The following EIF2B5 variants were observed in gnomAD, a reference collection of about 807,000 sequenced individuals.
EIF2B5 encodes the protein eukaryotic translation initiation factor 2B subunit epsilon, also known as translation initiation factor eIF2B subunit epsilon.
Under a neutral mutation model 87.3 loss-of-function variants are expected in EIF2B5, and 38 were observed. The ratio of observed to expected loss-of-function variants is 0.44; its 90% CI spans 0.34 to 0.57. The LOEUF (loss-of-function observed/expected upper bound fraction) is 0.57, where lower values mean the gene tolerates loss of function less well. Ranked by LOEUF, EIF2B5 falls within the 20% of genes least tolerant of loss-of-function variation. The probability of loss-of-function intolerance (pLI) is 0.02; values close to 1 mark genes in which losing one functional copy is unlikely to be tolerated. For synonymous variants in EIF2B5, 313 were observed against 339.6 expected (o/e 0.92, Z 0.86); for missense variants, 784 against 909.5 (o/e 0.86, Z 1.78).
At position 184,144,656 on chromosome 3, in the gene EIF2B5, C is replaced by G; in HGVS notation, c.2055C>G (p.Phe685Leu). Residue 685 changes from phenylalanine to leucine, a missense_variant, in exon 15 of 16, where the codon TTC becomes TTG. Coordinates refer to ENST00000648915, the MANE Select transcript of EIF2B5 (RefSeq NM_003907.3). ...ILAEETILSW[F>L]SQRDTTDKGQ... The stretch of plus-strand genomic sequence containing the variant: ...CTGAGGAAACAATTCTGAGCTGGTT[C>G]AGCCAAAGAGATACAACTGACAAGG... The G allele has an allele frequency of 6.2e-7, 1 of 1,614,112 alleles. No homozygotes were observed. The highest frequency in any genetic ancestry group is 8.5e-7 in the Non-Finnish European group (1 of 1,180,018).
chr3:184,144,807 G>C (rs909280819), intron 15 of EIF2B5, 77 bp from the exon 16 acceptor site: 1 of 1,586,826 alleles, frequency 6.3e-7, no homozygotes, highest in African/African-American at 1.3e-5. Flanking sequence ...CTGGTTGTTA[G>C]AGCTGTTTAT....
At position 184,142,118 on chromosome 3, in the gene EIF2B5, C is replaced by G. The variant is rs921294393; in HGVS notation, c.1302+48C>G. 3 of 1,613,900 alleles carry G rather than the reference C, an allele frequency of 1.9e-6. No homozygotes were observed. The African/African-American group carries it at 4.0e-5, about 22-fold the overall frequency. ...CACAGGCCCTGAATTGCATGGCAGT[C>G]ACACTGAGCCAGAAGGGGCATTATT... On this transcript the variant is annotated intron_variant, in intron 8 of 15. Coordinates refer to ENST00000648915, the MANE Select transcript of EIF2B5 (RefSeq NM_003907.3). The surrounding 1 kb of genome is among the most constrained non-coding windows in gnomAD (Gnocchi z 5.0).
At position 184,135,414 on chromosome 3, in the gene EIF2B5, G is replaced by T. The variant is rs1356715009; in HGVS notation, c.29G>T (p.Gly10Val). ...GCGGCCCCTGTAGTGGCGCCGCCTG[G>T]TGTGGTGGTTAGTCGGGCTAACAAG... MAAPVVAPP[G>V]VVVSRANKRS... The change falls in exon 1 of 16, where the codon GGT becomes GTT. Residue 10 changes from glycine to valine, a missense_variant. Physicochemically the swap from Gly to Val is moderately radical, Grantham distance 109 (BLOSUM62 -3). Around this residue, in one of 3 missense-constraint regions of EIF2B5, gnomAD observed 117 missense variants for 101.0 expected, o/e 1.16. Transcript: ENST00000648915. 4 of 1,582,380 alleles carry T rather than the reference G, an allele frequency of 2.5e-6. No homozygotes were observed. The East Asian group carries it at 9.1e-5, about 36-fold the overall frequency.
chr3:184,142,090 G>C lies in EIF2B5; in HGVS notation c.1302+20G>C. On this transcript the variant is annotated intron_variant, in intron 8 of 15. Transcript: ENST00000648915. This position sits in a 1 kb window ranked among gnomAD's most constrained non-coding sequence, Gnocchi z 5.0. Reference sequence around the variant, plus strand: ...TCCCAGGTGAGACCTGATCTATACTGTGCACAGGCCCTGAATTGCATGGCA... The same window carrying C: ...TCCCAGGTGAGACCTGATCTATACTCTGCACAGGCCCTGAATTGCATGGCA... The C allele has an allele frequency of 2.5e-6, 4 of 1,614,116 alleles. No individual in the cohort carries two copies. The highest frequency in any genetic ancestry group is 3.4e-6 in the Non-Finnish European group (4 of 1,180,038).
At chr3:184,135,604 CCA>C (rs1255781081) in intron 1 of EIF2B5, 24 bp downstream of exon 1, 6 of 1,572,010 alleles carry the variant, frequency 3.8e-6, no homozygotes, top group Non-Finnish European at 5.2e-6. Flanking sequence ...ACGCGAGCAG[CCA>C]GAGGGCAGGA....
intron 2 of EIF2B5, chr3:184,137,301 C>T (rs915928751): frequency 9.4e-5 from 42 of 446,794 alleles, no homozygotes; most frequent in Non-Finnish European, 1.4e-4. Flanking sequence ...GGAAAGCTGA[C>T]GTGAAGCGTG....
At position 184,137,788 on chromosome 3, in the gene EIF2B5, A is replaced by G. The variant is rs1713430366; in HGVS notation, c.489A>G (p.Arg163=). 2 of 1,614,094 alleles carry G rather than the reference A, an allele frequency of 1.2e-6. No individual in the cohort carries two copies. The highest frequency in any genetic ancestry group is 1.7e-5 in the Admixed American group (1 of 60,002). The change falls in exon 3 of 16, where the codon AGA becomes AGG. Residue 163 remains arginine, a synonymous_variant. Coordinates refer to ENST00000648915, the MANE Select transcript of EIF2B5 (RefSeq NM_003907.3). ...GDVISNINIT[R]ALEEHRLRRK... ...TCATCTCAAACATCAATATCACCAG[A>G]GCCCTTGAGGAACACAGGTCAGGAT...
rs139479760 is a variant in EIF2B5 at position 184,141,970 on chromosome 3, G to A, written c.1202G>A (p.Arg401Gln). ...LDQTYLWQGV[R>Q]VAAGAQIHQS... ...CAGACCTACCTGTGGCAGGGTGTTC[G>A]AGTGGCGGCTGGAGCACAGATCCAT... The change falls in exon 8 of 16, where the codon CGA becomes CAA. Residue 401 changes from arginine (R) to glutamine (Q), a missense_variant. Physicochemically the swap from Arg to Gln is conservative, Grantham distance 43 (BLOSUM62 1). This residue lies in a region of EIF2B5 where 660 missense variants were observed against 789.5 expected (regional missense o/e 0.84). Transcript: ENST00000648915. 9.3e-6 allele frequency: 15 copies of A among 1,613,996 alleles called. No individual in the cohort carries two copies. Among genetic ancestry groups the A allele is most frequent in the African/African-American group, 8.0e-5 (6 of 74,908 alleles).
At chr3:184,144,833 G>C (rs1160837666) in intron 15 of EIF2B5, 51 bp from the exon 16 acceptor site, 2 of 1,604,952 alleles carry the variant, frequency 1.2e-6, no homozygotes, top group Admixed American at 3.4e-5. Flanking sequence ...GAGGGGAGCA[G>C]GAGAGTTATG....
In EIF2B5 at chr3:184,142,624, G is replaced by T. The variant is rs1185618776; in HGVS notation, c.1546+21G>T. 2.5e-6 allele frequency: 4 copies of T among 1,607,586 alleles called. No homozygotes were observed. The South Asian group carries it at 4.4e-5, about 18-fold the overall frequency. Reference sequence around the variant, plus strand: ...GTGGGGTGAGCTAGGCCTGATGCCTGCCCTTCTCCTCCTGAATCGGAATAT... The same window carrying T: ...GTGGGGTGAGCTAGGCCTGATGCCTTCCCTTCTCCTCCTGAATCGGAATAT... On this transcript the variant is annotated intron_variant, in intron 10 of 15. Transcript: ENST00000648915. This position sits in a 1 kb window ranked among gnomAD's most constrained non-coding sequence, Gnocchi z 5.0.
At position 184,140,687 on chromosome 3, in the gene EIF2B5, T is replaced by C. The variant is rs148207904; in HGVS notation, c.1113T>C (p.Asn371=). The part of the protein sequence containing the change: ...LLGSGTVIGS[N]CFITNSVIGP... The stretch of plus-strand genomic sequence containing the variant: ...GCTCTGGCACTGTCATTGGCAGCAA[T>C]TGCTTTATCACCAACAGTGTCATTG... The change falls in exon 7 of 16, where the codon AAT becomes AAC. Residue 371 remains asparagine (N), a synonymous_variant. Coordinates refer to ENST00000648915, the MANE Select transcript of EIF2B5 (RefSeq NM_003907.3). 1.9e-6 allele frequency: 3 copies of C among 1,614,060 alleles called. No individual in the cohort carries two copies. Among genetic ancestry groups the C allele is most frequent in the African/African-American group, 2.7e-5 (2 of 74,926 alleles).
chr3:184,137,421 C>A, intron 2 of EIF2B5, 199 bp from the exon 3 acceptor site: 1 of 635,170 alleles, frequency 1.6e-6, no homozygotes, highest in Non-Finnish European at 2.8e-6. Flanking sequence ...TTTCCTAACC[C>A]ATAAAACAAG....
chr3:184,140,564 C>A lies in EIF2B5; in HGVS notation c.990C>A (p.Ser330Arg). 6.2e-7 allele frequency: 1 copy of A among 1,614,190 alleles called. No homozygotes were observed. Among genetic ancestry groups the A allele is most frequent in the African/African-American group, 1.3e-5 (1 of 75,048 alleles). The change falls in exon 7 of 16, where the codon AGC becomes AGA. Residue 330 changes from serine (S) to arginine (R), a missense_variant. Physicochemically the swap from Ser to Arg is moderately radical, Grantham distance 110. Transcript: ENST00000648915. ...PLTPEANFTD[S>R]TTQSCTHSRH... ...CCCCAGAGGCGAACTTCACTGACAG[C>A]ACCACCCAGAGCTGCACTCATTCCC...
At chr3:184,136,184 C>A (rs1713350640) in intron 1 of EIF2B5, among the ~76,000 whole-genome samples, 1 of 152,124 alleles carries the variant, frequency 6.6e-6, no homozygotes, top group African/African-American at 2.4e-5. Flanking sequence ...CTCTCTAATT[C>A]CCTCGAAAAA....
Position 184,145,192 on chromosome 3 carries a change from G to C in EIF2B5, c.*249G>C. On this transcript the variant is annotated 3_prime_UTR_variant, in exon 16 of 16. Transcript: ENST00000648915. The surrounding 1 kb of genome is among the most constrained non-coding windows in gnomAD (Gnocchi z 4.0). ...CCTAGGGAGGAGCTAAGCAGGCCCG[G>C]CAGTTGGAGGAAGGCCAGAGGAACA... 1.8e-6 allele frequency: 1 copy of C among 570,070 alleles called. No homozygotes were observed. Among genetic ancestry groups the C allele is most frequent in the Non-Finnish European group, 3.2e-6 (1 of 316,742 alleles). The allele number at this position is 570,070 out of a possible 1,614,324, so 35.3% of individuals were successfully genotyped here. A position where few individuals can be genotyped will look rare whatever the true frequency, so the allele number is the denominator to read the frequency against.
In EIF2B5 at chr3:184,137,891, T is replaced by C. The variant is rs749716823; in HGVS notation, c.507-7T>C. 1.2e-6 allele frequency: 2 copies of C among 1,614,200 alleles called. No individual in the cohort carries two copies. The highest frequency in any genetic ancestry group is 2.2e-5 in the South Asian group (2 of 91,076). On this transcript the variant is annotated splice_region_variant and splice_polypyrimidine_tract_variant and intron_variant, in intron 3 of 15. Transcript: ENST00000648915. ...TTTTGCAGTTCTGTCCCTCCTGTCC[T>C]TTATAGGTTGAGACGGAAGCTAGAA...
chr3:184,137,675 G>C lies in EIF2B5; in HGVS notation c.376G>C (p.Glu126Gln). The change falls in exon 3 of 16, where the codon GAG becomes CAG. Residue 126 changes from glutamate (E) to glutamine (Q), a missense_variant. Physicochemically the swap from Glu to Gln is conservative, Grantham distance 29 (BLOSUM62 2). This residue lies in a region of EIF2B5 where 660 missense variants were observed against 789.5 expected (regional missense o/e 0.84). Coordinates refer to ENST00000648915, the MANE Select transcript of EIF2B5 (RefSeq NM_003907.3). ...CAATGTGGTTCGAATAATTACATCA[G>C]AGCTCTATCGATCACTGGGAGATGT... is the stretch of plus-strand genomic sequence containing the variant. Reference protein sequence around the residue: ...SLNVVRIITSELYRSLGDVLR... With the variant: ...SLNVVRIITSQLYRSLGDVLR... The C allele has an allele frequency of 6.2e-7, 1 of 1,614,192 alleles. No individual in the cohort carries two copies. The highest frequency in any genetic ancestry group is 8.5e-7 in the Non-Finnish European group (1 of 1,180,044).
chr3:184,143,858 G>T, intron 13 of EIF2B5: 1 of 694,140 alleles, frequency 1.4e-6, no homozygotes, highest in Non-Finnish European at 2.4e-6. Context: ...CACAAGATCA[G>T]CCTCTGGGGT....
Position 184,144,701 on chromosome 3 carries a change from T to A in EIF2B5, c.2100T>A (p.Asn700Lys). The A allele has an allele frequency of 6.2e-7, 1 of 1,613,702 alleles. No individual in the cohort carries two copies. The highest frequency in any genetic ancestry group is 8.5e-7 in the Non-Finnish European group (1 of 1,179,838). ...TTDKGQQLRK[N>K]QQLQRFIQWL... ...ACAAGGGCCAGCAGTTGCGCAAGAATCAACAGGTGCGTCAGGCTGTCCTCC... is the reference window on the plus strand; with the variant it reads ...ACAAGGGCCAGCAGTTGCGCAAGAAACAACAGGTGCGTCAGGCTGTCCTCC... Residue 700 changes from asparagine to lysine, a missense_variant, in exon 15 of 16, where the codon AAT (asparagine) becomes AAA (lysine). Physicochemically the swap from Asn to Lys is moderately conservative, Grantham distance 94. Coordinates refer to ENST00000648915, the MANE Select transcript of EIF2B5 (RefSeq NM_003907.3).
Sources: allele counts gnomAD v4.1 joint callset (sites outside exome capture counted in the v4.1 genomes callset), GRCh38; gene constraint gnomAD v4.1.1; regional missense constraint gnomAD v4.1.1; non-coding constraint Gnocchi (gnomAD v3.1); transcripts MANE v1.5; gene names NCBI Gene and HGNC (gene_info 2026-07-23, HGNC 2026-07-21).